The following AKAP11 variants were observed in gnomAD, a reference collection of about 807,000 sequenced individuals.
AKAP11 encodes the protein A-kinase anchoring protein 11.
Under a neutral mutation model 146.1 loss-of-function variants are expected in AKAP11, and 36 were observed. The observed-to-expected ratio is 0.25, with a 90% CI of 0.19 to 0.33. The LOEUF (loss-of-function observed/expected upper bound fraction) is 0.33, where lower values mean the gene tolerates loss of function less well. AKAP11 is among the 10% of genes least tolerant of loss of function. The pLI, the probability that AKAP11 is intolerant of heterozygous loss-of-function variation, is 1.00. For missense variants in AKAP11, 2,201 were observed against 2,197.0 expected (o/e 1.00, Z -0.04); for synonymous variants, 780 against 786.5 (o/e 0.99, Z 0.14).
chr13:42,300,591 G>C lies in AKAP11; in HGVS notation c.1845G>C (p.Leu615=), dbSNP rs763670667. The change falls in exon 8 of 13, where the codon CTG becomes CTC. Residue 615 remains leucine, a synonymous_variant. Coordinates refer to ENST00000025301, the MANE Select transcript of AKAP11 (RefSeq NM_016248.4). ...TAAAAGAACGTGCCATTAGTGGCCTGGCTAACTTTTTGGTGAGTGAAGCTT... is the reference window on the plus strand; with the variant it reads ...TAAAAGAACGTGCCATTAGTGGCCTCGCTAACTTTTTGGTGAGTGAAGCTT... ...FSLKERAISG[L]ANFLVSEALS... 1.2e-6 allele frequency: 2 copies of C among 1,613,992 alleles called. No individual in the cohort carries two copies. The highest frequency in any genetic ancestry group is 4.5e-5 in the East Asian group (2 of 44,876).
intron 4 of AKAP11, among the ~76,000 whole-genome samples, chr13:42,294,247 A>G (rs1346103949): frequency 6.6e-6 from 1 of 152,260 alleles, no homozygotes; most frequent in South Asian, 2.1e-4. Flanking sequence ...TCATTTAAGT[A>G]TTGCATATTT....
intron 11 of AKAP11, among the ~76,000 whole-genome samples, 164 bp from the exon 12 acceptor site, chr13:42,317,364 G>C (rs1026248581): frequency 6.6e-6 from 1 of 152,070 alleles, no homozygotes; most frequent in Admixed American, 6.6e-5. Context: ...TTGCCCTTTA[G>C]AAGTTTTAGT....
intron 1 of AKAP11, among the ~76,000 whole-genome samples, chr13:42,273,264 A>G (rs981385739): frequency 4.6e-5 from 7 of 152,180 alleles, no homozygotes; most frequent in African/African-American, 1.4e-4. Flanking sequence ...GGTATCAGTA[A>G]TGCACAGATA....
At chr13:42,308,756 A>C in intron 9 of AKAP11, 147 bp downstream of exon 9, 1 of 676,950 alleles carries the variant, frequency 1.5e-6, no homozygotes. Context: ...ATGTATTTCT[A>C]ATTGTTTTTA....
At chr13:42,310,217 A>T (rs1291425840) in intron 9 of AKAP11, among the ~76,000 whole-genome samples, 1 of 152,228 alleles carries the variant, frequency 6.6e-6, no homozygotes, top group East Asian at 1.9e-4. Context: ...TCAGAAAAAG[A>T]CCTGTGTTTC....
chr13:42,310,856 C>CAAAAAA (rs34581714), intron 9 of AKAP11, among the ~76,000 whole-genome samples: 1 of 123,766 alleles, frequency 8.1e-6, no homozygotes. Context: ...CAGACTCCGT[C>CAAAAAA]AAAAAAAAAA....
intron 4 of AKAP11, among the ~76,000 whole-genome samples, chr13:42,294,664 G>A (rs1959402630): frequency 1.3e-5 from 2 of 152,128 alleles, no homozygotes; most frequent in South Asian, 4.1e-4. Flanking sequence ...GCCTCCCAAA[G>A]TGCTGGGATT....
intron 2 of AKAP11, 99 bp downstream of exon 2, chr13:42,286,134 A>G (rs1375215593): frequency 1.1e-5 from 4 of 349,820 alleles, no homozygotes; most frequent in Non-Finnish European, 2.1e-5. Context: ...TATTTTTCAA[A>G]TATTCTTGCT....
chr13:42,309,824 G>T (rs1960462957), intron 9 of AKAP11, among the ~76,000 whole-genome samples: 1 of 152,166 alleles, frequency 6.6e-6, no homozygotes, highest in Admixed American at 6.5e-5. Flanking sequence ...GGGGTTGACA[G>T]TGTTGCCTAG....
At chr13:42,283,328 CAAT>C (rs1959102002) in intron 1 of AKAP11, among the ~76,000 whole-genome samples, 4 of 152,134 alleles carry the variant, frequency 2.6e-5, no homozygotes, top group Admixed American at 2.0e-4. Flanking sequence ...TAATTTCAAA[CAAT>C]GATTTGAATT....
chr13:42,274,273 A>G (rs1316456002), intron 1 of AKAP11, among the ~76,000 whole-genome samples: 1 of 152,158 alleles, frequency 6.6e-6, no homozygotes, highest in Non-Finnish European at 1.5e-5. Context: ...GTTAAGGGTC[A>G]ATGAGCTGGT....
chr13:42,290,078 T>C (rs1317479241), intron 3 of AKAP11, among the ~76,000 whole-genome samples: 1 of 152,104 alleles, frequency 6.6e-6, no homozygotes, highest in Non-Finnish European at 1.5e-5. Context: ...TTTTCCTTGC[T>C]TCTCTTCTAG....
At position 42,321,445 on chromosome 13, in the gene AKAP11, G is replaced by A. The variant is rs1961082719; in HGVS notation, c.*2217G>A. 1 of 152,234 alleles carries A rather than the reference G, an allele frequency of 6.6e-6. No homozygotes were observed. Among genetic ancestry groups the A allele is most frequent in the Non-Finnish European group, 1.5e-5 (1 of 68,020 alleles). The allele number at this position is 152,234 out of a possible 1,614,324, so 9.4% of individuals were successfully genotyped here. ...ATTAGCATGTGTGGTAATAATAATA[G>A]TGGAACTTCACACTTACATCAATTC... On this transcript the variant is annotated 3_prime_UTR_variant, in exon 13 of 13. Coordinates refer to ENST00000025301, the MANE Select transcript of AKAP11 (RefSeq NM_016248.4).
At chr13:42,297,427 A>ATGT (rs1959582676) in intron 6 of AKAP11, among the ~76,000 whole-genome samples, 2 of 151,966 alleles carry the variant, frequency 1.3e-5, no homozygotes, top group Admixed American at 6.5e-5. Context: ...ATGCAAGTAC[A>ATGT]TGTTAATTTT....
rs764301844 is a variant in AKAP11, at chr13:42,301,221, C to A, written c.2475C>A (p.Asn825Lys). 2 of 1,613,984 alleles carry A rather than the reference C, an allele frequency of 1.2e-6. No individual in the cohort carries two copies. The highest frequency in any genetic ancestry group is 8.5e-7 in the Non-Finnish European group (1 of 1,179,942). The change falls in exon 8 of 13, where the codon AAC becomes AAA. Residue 825 changes from asparagine (N) to lysine (K), a missense_variant. Asn to Lys is a moderately conservative substitution (Grantham distance 94). Coordinates refer to ENST00000025301, the MANE Select transcript of AKAP11 (RefSeq NM_016248.4). ...CCCAAGTGCATATTGCCACAAAAAA[C>A]AGAGAAGAAAAAGCAGCTTGTCTCA... is the stretch of plus-strand genomic sequence containing the variant. ...DSAQVHIATK[N>K]REEKAACLRN...
At position 42,300,492 on chromosome 13, in the gene AKAP11, C is replaced by T; in HGVS notation, c.1746C>T (p.His582=). The change falls in exon 8 of 13, where the codon CAC becomes CAT. Residue 582 remains histidine (H), a synonymous_variant. Coordinates refer to ENST00000025301, the MANE Select transcript of AKAP11 (RefSeq NM_016248.4). ...GVSSCTNALY[H]LAIKLTSSVL... The stretch of plus-strand genomic sequence containing the variant: ...CTTCATGTACCAATGCTTTGTACCA[C>T]TTAGCCATCAAATTGACATCATCTG... 1 of 1,614,108 alleles carries T rather than the reference C, an allele frequency of 6.2e-7. No individual in the cohort carries two copies.
At chr13:42,311,587 C>T (rs1185562990) in intron 9 of AKAP11, among the ~76,000 whole-genome samples, 4 of 151,406 alleles carry the variant, frequency 2.6e-5, no homozygotes, top group South Asian at 2.1e-4. Flanking sequence ...GTCTTTACTT[C>T]GTTTAGCTGT....
intron 1 of AKAP11, among the ~76,000 whole-genome samples, chr13:42,277,437 AC>A (rs1305473725): frequency 3.3e-5 from 5 of 152,188 alleles, no homozygotes; most frequent in Non-Finnish European, 7.3e-5. Context: ...AGCCATTCAC[AC>A]TTAGTACTTT....
chr13:42,273,299 A>G (rs1200715487), intron 1 of AKAP11, among the ~76,000 whole-genome samples: 1 of 152,184 alleles, frequency 6.6e-6, no homozygotes, highest in Non-Finnish European at 1.5e-5. Context: ...TCATCATTTT[A>G]GGATGGCAGC....
Sources: gnomAD v4.1 joint callset for allele counts (sites outside exome capture counted in the v4.1 genomes callset) on GRCh38, gnomAD v4.1.1 for gene constraint, MANE v1.5 for transcripts, NCBI Gene and HGNC (gene_info 2026-07-23, HGNC 2026-07-21) for gene names.